HLA-G: variants seen among roughly 807,000 people sequenced by gnomAD.
HLA-G encodes the protein HLA class I histocompatibility antigen, alpha chain G.
A neutral mutation model predicts 39.3 loss-of-function variants in HLA-G; 34 were observed. That is an observed-to-expected ratio of 0.86 (90% CI 0.66 to 1.15). HLA-G has a LOEUF of 1.15. Among genes scored for constraint, HLA-G ranks in the 50% most tolerant of loss-of-function variants. The probability of loss-of-function intolerance (pLI) is 0.00; values close to 1 mark genes in which losing one functional copy is unlikely to be tolerated. For missense variants in HLA-G, 419 were observed against 456.4 expected (o/e 0.92, Z 0.75); for synonymous variants, 183 against 185.8 (o/e 0.99, Z 0.12).
chr6:29,828,026 T>C, intron 1 of HLA-G, 21 bp from the exon 2 acceptor site: 2 of 1,607,458 alleles, frequency 1.2e-6, no homozygotes, highest in Non-Finnish European at 1.7e-6. Context: ...CGGGCGGGTC[T>C]CAACCCCTCC....
At chr6:29,826,552 G>A (rs1760704812), upstream of HLA-G, among the ~76,000 whole-genome samples, 1 of 152,208 alleles carries the variant, frequency 6.6e-6, no homozygotes, top group Admixed American at 6.5e-5. Flanking sequence ...TCAGGAGTGA[G>A]AGGGTGGTGG....
upstream of HLA-G, chr6:29,827,434 T>C: frequency 2.8e-6 from 1 of 353,430 alleles, no homozygotes; most frequent in Non-Finnish European, 5.5e-6. Flanking sequence ...GGGAGTCCAG[T>C]TCAGGGACAG....
upstream of HLA-G, chr6:29,827,083 C>T (rs1632946): frequency 0.5 from 248,564 of 502,108 alleles, 63,816 homozygotes; most frequent in South Asian, 0.67. Flanking sequence ...CACAGATACA[C>T]TGTCTGGGAA....
Position 29,830,891 on chromosome 6 carries a change from G to T in HLA-G, c.*152G>T. On this transcript the variant is annotated 3_prime_UTR_variant, in exon 7 of 7. Transcript: ENST00000360323. ...CCACCATGACCCTCTTCCTCATGCT[G>T]AACTGCATTCCTTCCCCAATCACCT... 1 of 342,532 alleles carries T rather than the reference G, an allele frequency of 2.9e-6. No homozygotes were observed. Among genetic ancestry groups the T allele is most frequent in the South Asian group, 2.1e-5 (1 of 47,316 alleles). 21.2% of individuals were successfully genotyped at this position (342,532 alleles called of 1,614,324 possible).
In HLA-G at chr6:29,829,606, G is replaced by C. The variant is rs1231277366; in HGVS notation, c.808G>C (p.Ala270Pro). The C allele has an allele frequency of 3.1e-6, 5 of 1,614,126 alleles. No homozygotes were observed. In the East Asian group the frequency reaches 1.1e-4, roughly 36 times the overall value. Residue 270 changes from alanine to proline, a missense_variant, in exon 4 of 7, where the codon GCT (alanine) becomes CCT (proline). Around this residue, in one of 2 missense-constraint regions of HLA-G, gnomAD observed 328 missense variants for 323.0 expected, o/e 1.02. Coordinates refer to ENST00000360323, the MANE Select transcript of HLA-G (RefSeq NM_001384290.1). ...GGATGGAACCTTCCAGAAGTGGGCAGCTGTGGTGGTGCCTTCTGGAGAGGA... is the reference window on the plus strand; with the variant it reads ...GGATGGAACCTTCCAGAAGTGGGCACCTGTGGTGGTGCCTTCTGGAGAGGA... ...AGDGTFQKWAAVVVPSGEEQR... is the reference protein window; with the variant it reads ...AGDGTFQKWAPVVVPSGEEQR...
rs769433040 is a variant in HLA-G at position 29,828,768 on chromosome 6, A to C, written c.569A>C (p.Glu190Ala). 4.5e-5 allele frequency: 73 copies of C among 1,613,890 alleles called. No individual in the cohort carries two copies. Among genetic ancestry groups the C allele is most frequent in the Admixed American group, 3.3e-5 (2 of 60,000 alleles). ...GCCTACCTGGAGGGCACGTGCGTGGAGTGGCTCCACAGATACCTGGAGAAC... is the reference window on the plus strand; with the variant it reads ...GCCTACCTGGAGGGCACGTGCGTGGCGTGGCTCCACAGATACCTGGAGAAC... ...RRAYLEGTCV[E>A]WLHRYLENGK... is the part of the protein sequence containing the mutation. The change falls in exon 3 of 7, where the codon GAG (glutamate) becomes GCG (alanine). Residue 190 changes from glutamate to alanine, a missense_variant. Physicochemically the swap from Glu to Ala is moderately radical, Grantham distance 107 (BLOSUM62 -1). Around this residue, in one of 2 missense-constraint regions of HLA-G, gnomAD observed 328 missense variants for 323.0 expected, o/e 1.02. Transcript: ENST00000360323.
chr6:29,826,927 T>A, upstream of HLA-G: 1 of 472,646 alleles, frequency 2.1e-6, no homozygotes. Context: ...CACTTACAAC[T>A]GTGAGGTGAA....
intron 2 of HLA-G, 33 bp downstream of exon 2, chr6:29,828,349 A>ACC: frequency 2.5e-6 from 4 of 1,587,480 alleles, no homozygotes; most frequent in Non-Finnish European, 3.4e-6. Flanking sequence ...GCAGATCACG[A>ACC]CCCCCACCTC....
upstream of HLA-G, chr6:29,827,734 T>G: frequency 9.0e-7 from 1 of 1,112,264 alleles, no homozygotes; most frequent in Non-Finnish European, 1.4e-6. Flanking sequence ...CGGCCCCAGT[T>G]CTCACTCCCA....
chr6:29,827,968 C>A (rs1458518267), intron 1 of HLA-G, 51 bp downstream of exon 1: 11 of 1,588,262 alleles, frequency 6.9e-6, no homozygotes, highest in South Asian at 1.2e-5. Flanking sequence ...GAGGGAGGGG[C>A]CGGCCCGGCG....
At position 29,828,094 on chromosome 6, in the gene HLA-G, C is replaced by T; in HGVS notation, c.121C>T (p.Arg41Cys). Residue 41 changes from arginine (R) to cysteine (C), a missense_variant, in exon 2 of 7, where the codon CGC becomes TGC. This residue lies in a region of HLA-G where 91 missense variants were observed against 133.4 expected (regional missense o/e 0.68). Coordinates refer to ENST00000360323, the MANE Select transcript of HLA-G (RefSeq NM_001384290.1). ...CAGCGCCGCCGTGTCCCGGCCCGGC[C>T]GCGGGGAGCCCCGCTTCATCGCCAT... ...YFSAAVSRPG[R>C]GEPRFIAMGY... 6.3e-7 allele frequency: 1 copy of T among 1,594,570 alleles called. No homozygotes were observed. The highest frequency in any genetic ancestry group is 8.5e-7 in the Non-Finnish European group (1 of 1,174,562).
rs1190289909 is a variant in HLA-G at position 29,830,450 on chromosome 6, C to A, written c.*28+40C>A. On this transcript the variant is annotated intron_variant, in intron 6 of 6. Transcript: ENST00000360323. ...GGCTGATCCCTGAGATCCTTGGGAT[C>A]TTGTGTTTGGGAGCCCATGGGGGAG... The A allele has an allele frequency of 2.1e-5, 33 of 1,578,448 alleles. 1 individual carries two copies. The Admixed American group carries it at 4.8e-4, about 23-fold the overall frequency.
intron 5 of HLA-G, 139 bp from the exon 6 acceptor site, chr6:29,830,239 T>A (rs1235011121): frequency 3.2e-5 from 32 of 999,496 alleles, no homozygotes; most frequent in Non-Finnish European, 5.1e-5. Context: ...TCTGCTTTCC[T>A]TGTTTTTCCT....
chr6:29,828,372 A>C lies in HLA-G; in HGVS notation c.343+56A>C, dbSNP rs557373005. The C allele has an allele frequency of 9.8e-5, 154 of 1,572,122 alleles. No individual in the cohort carries two copies. The African/African-American group carries it at 1.9e-3, about 20-fold the overall frequency. ...CGACCCCCACCTCCATGCCCCACGG[A>C]CGGCCCGGGTACTCCCGAGTCTCCG... On this transcript the variant is annotated intron_variant, in intron 2 of 6. Transcript: ENST00000360323.
chr6:29,827,951 C>A (rs762230271), intron 1 of HLA-G, 34 bp downstream of exon 1: 3 of 1,595,010 alleles, frequency 1.9e-6, no homozygotes, highest in Non-Finnish European at 1.7e-6. Flanking sequence ...ACAGCCCCTG[C>A]GCGGAGGAGG....
At position 29,829,822 on chromosome 6, in the gene HLA-G, CT is replaced by C. The variant is rs1444803707; in HGVS notation, c.904del (p.Ser302ProfsTer20). 2.5e-6 allele frequency: 4 copies of C among 1,613,048 alleles called. No homozygotes were observed. The highest frequency in any genetic ancestry group is 2.5e-6 in the Non-Finnish European group (3 of 1,179,406). ...CCTTCACCTCCTTTCCCAGAGCAGT[CT>C]TCCCTGCCCACCATCCCCATCATGG... ...PEPLMLRWKQ[S>X]SLPTIPIMGI... On this transcript the variant is annotated frameshift_variant, in exon 5 of 7. Transcript: ENST00000360323. LOFTEE classifies it high-confidence loss of function.
chr6:29,830,862 G>T lies in HLA-G; in HGVS notation c.*123G>T, dbSNP rs146339774. 7.4e-6 allele frequency: 3 copies of T among 406,100 alleles called. No homozygotes were observed. The highest frequency in any genetic ancestry group is 1.5e-5 in the Non-Finnish European group (3 of 199,290). The allele number at this position is 406,100 out of a possible 1,614,324, so 25.2% of individuals were successfully genotyped here. A position where few individuals can be genotyped will look rare whatever the true frequency, so the allele number is the denominator to read the frequency against. ...TTTGTGCAGAGACCAGCCCACCCCT[G>T]TGCCCACCATGACCCTCTTCCTCAT... On this transcript the variant is annotated 3_prime_UTR_variant, in exon 7 of 7. Transcript: ENST00000360323.
At position 29,830,885 on chromosome 6, in the gene HLA-G, C is replaced by T; in HGVS notation, c.*146C>T. The T allele has an allele frequency of 2.8e-6, 1 of 357,274 alleles. No homozygotes were observed. The highest frequency in any genetic ancestry group is 3.1e-5 in the Admixed American group (1 of 31,958). 22.1% of individuals were successfully genotyped at this position (357,274 alleles called of 1,614,324 possible). A position where few individuals can be genotyped will look rare whatever the true frequency, so the allele number is the denominator to read the frequency against. ...CTGTGCCCACCATGACCCTCTTCCT[C>T]ATGCTGAACTGCATTCCTTCCCCAA... On this transcript the variant is annotated 3_prime_UTR_variant, in exon 7 of 7. Coordinates refer to ENST00000360323, the MANE Select transcript of HLA-G (RefSeq NM_001384290.1).
chr6:29,828,017 G>C, intron 1 of HLA-G, 30 bp from the exon 2 acceptor site: 1 of 1,604,054 alleles, frequency 6.2e-7, no homozygotes, highest in Non-Finnish European at 8.5e-7. Flanking sequence ...GAGGAGGGTC[G>C]GGCGGGTCTC....
Sources: allele counts gnomAD v4.1 joint callset (sites outside exome capture counted in the v4.1 genomes callset), GRCh38; gene constraint gnomAD v4.1.1; regional missense constraint gnomAD v4.1.1; transcripts MANE v1.5; gene names NCBI Gene and HGNC (gene_info 2026-07-23, HGNC 2026-07-21).